The following PPP4R3B variants were observed in gnomAD, a reference collection of about 807,000 sequenced individuals.
PPP4R3B encodes protein phosphatase 4 regulatory subunit 3B, also known as serine/threonine-protein phosphatase 4 regulatory subunit 3B.
A neutral mutation model predicts 95.4 loss-of-function variants in PPP4R3B; 52 were observed. The observed-to-expected ratio is 0.54, with a 90% confidence interval of 0.44 to 0.69. The LOEUF (loss-of-function observed/expected upper bound fraction) is 0.69, where lower values mean the gene tolerates loss of function less well. Among genes scored for constraint, PPP4R3B ranks in the 30% least tolerant of loss-of-function variants. The probability of loss-of-function intolerance (pLI) is 0.00; values close to 1 mark genes in which losing one functional copy is unlikely to be tolerated. For missense variants in PPP4R3B, 1,003 were observed against 1,005.9 expected (o/e 1.00, Z 0.04); for synonymous variants, 407 against 343.9 (o/e 1.18, Z -2.03).
chr2:55,584,689 AT>A lies in PPP4R3B; in HGVS notation c.1233+361del, dbSNP rs551855062. ...AAACTTTCATTCCTACTTAAAACAT[AT>A]TTTTTGAACAAATAAAAGCAACTTT... On this transcript the variant is annotated intron_variant, in intron 7 of 16. Transcript: ENST00000616407. Among the ~76,000 whole-genome samples, 13 of 152,260 alleles carry A rather than the reference AT, an allele frequency of 8.5e-5. No individual in the cohort carries two copies. In the East Asian group the frequency reaches 2.3e-3, roughly 27 times the overall value.
chr2:55,612,117 T>C (rs969598343), intron 2 of PPP4R3B, among the ~76,000 whole-genome samples: 2 of 152,112 alleles, frequency 1.3e-5, no homozygotes, highest in Non-Finnish European at 2.9e-5. Context: ...AACCCGCTAA[T>C]GGAAACAAAA....
chr2:55,588,515 G>GAAAAAA (rs11376018), intron 5 of PPP4R3B, among the ~76,000 whole-genome samples: 1 of 94,786 alleles, frequency 1.1e-5, no homozygotes. Context: ...CTCCATCTCA[G>GAAAAAA]AAAAAAAAAA....
chr2:55,597,604 C>T (rs369440905), intron 4 of PPP4R3B, among the ~76,000 whole-genome samples: 5 of 147,614 alleles, frequency 3.4e-5, no homozygotes, highest in African/African-American at 7.6e-5. Flanking sequence ...CCTGGGCGAC[C>T]GAGCAAGACT....
chr2:55,615,514 A>C lies in PPP4R3B; in HGVS notation c.143-8T>G. 1 of 1,541,568 alleles carries C rather than the reference A, an allele frequency of 6.5e-7. No homozygotes were observed. Among genetic ancestry groups the C allele is most frequent in the Non-Finnish European group, 8.9e-7 (1 of 1,127,412 alleles). On this transcript the variant is annotated splice_region_variant and splice_polypyrimidine_tract_variant and intron_variant, in intron 1 of 16. Coordinates refer to ENST00000616407, the MANE Select transcript of PPP4R3B (RefSeq NM_001122964.3). ...ATTCCAAGAGTAGTGATCCTGAAAG[A>C]TAAAAAATAATACATCATAAGTCTC...
At chr2:55,563,766 G>C (rs1179200573) in intron 15 of PPP4R3B, among the ~76,000 whole-genome samples, 1 of 152,170 alleles carries the variant, frequency 6.6e-6, no homozygotes, top group Admixed American at 6.5e-5. Context: ...AAAATGGTTA[G>C]TTCTTTTGAA....
At position 55,598,701 on chromosome 2, in the gene PPP4R3B, T is replaced by C. The variant is rs746538861; in HGVS notation, c.636A>G (p.Val212=). 1 of 1,614,204 alleles carries C rather than the reference T, an allele frequency of 6.2e-7. No individual in the cohort carries two copies. The highest frequency in any genetic ancestry group is 8.5e-7 in the Non-Finnish European group (1 of 1,180,036). ...LFLNKATLFE[V]MFSDECIMDV... is the part of the protein sequence containing the mutation. ...CCATGATACACTCATCAGAAAACATTACCTCAAAAAGAGTTGCCTTATTTA... is the reference window on the plus strand; with the variant it reads ...CCATGATACACTCATCAGAAAACATCACCTCAAAAAGAGTTGCCTTATTTA... Residue 212 remains valine (V), a synonymous_variant, in exon 4 of 17, where the codon GTA becomes GTG. Coordinates refer to ENST00000616407, the MANE Select transcript of PPP4R3B (RefSeq NM_001122964.3).
At chr2:55,569,081 T>A (rs1380249988) in intron 12 of PPP4R3B, among the ~76,000 whole-genome samples, 2 of 152,102 alleles carry the variant, frequency 1.3e-5, no homozygotes, top group Non-Finnish European at 2.9e-5. Context: ...ATTCCAATAT[T>A]ATAATAATCC....
chr2:55,573,526 A>C, intron 12 of PPP4R3B, 93 bp downstream of exon 12: 1 of 1,154,818 alleles, frequency 8.7e-7, no homozygotes, highest in Non-Finnish European at 1.2e-6. Flanking sequence ...CATCTCATTC[A>C]TAGAATATAC....
intron 3 of PPP4R3B, among the ~76,000 whole-genome samples, chr2:55,599,891 C>T (rs1171681946): frequency 7.2e-5 from 11 of 152,202 alleles, no homozygotes; most frequent in African/African-American, 2.7e-4. Context: ...TCACAACTTA[C>T]CTTCACACAT....
At chr2:55,551,950 C>G (rs1685300237) in intron 16 of PPP4R3B, among the ~76,000 whole-genome samples, 1 of 152,122 alleles carries the variant, frequency 6.6e-6, no homozygotes, top group Non-Finnish European at 1.5e-5. Flanking sequence ...AGGCACCAAT[C>G]TGATAATCAA....
Position 55,558,921 on chromosome 2 carries a change from CAGG to C in PPP4R3B, c.2305_2307del (p.Pro769del), listed in dbSNP as rs1686212002. ...TGGGAGAAAGTAAATTTGAAGCCAC[CAGG>C]AGATGTCCTTTTGGGAAGGTTTTCC... On this transcript the variant is annotated inframe_deletion, in exon 16 of 17. Coordinates refer to ENST00000616407, the MANE Select transcript of PPP4R3B (RefSeq NM_001122964.3). 1.9e-6 allele frequency: 3 copies of C among 1,613,120 alleles called. No homozygotes were observed. Among genetic ancestry groups the C allele is most frequent in the African/African-American group, 1.3e-5 (1 of 74,888 alleles).
Position 55,617,334 on chromosome 2 carries a change from G to A in PPP4R3B, c.-49C>T, listed in dbSNP as rs1437208937. On this transcript the variant is annotated 5_prime_UTR_variant, in exon 1 of 17. In the 5' UTR this introduces an upstream ATG that the reference lacks. Transcript: ENST00000616407. ...TAGCCGCCGCCTCCTCGCTTACCTC[G>A]TCCGCGCTCCTCACTCTTAGGAGAC... is the stretch of plus-strand genomic sequence containing the variant. 1 of 1,527,114 alleles carries A rather than the reference G, an allele frequency of 6.5e-7. No individual in the cohort carries two copies. The highest frequency in any genetic ancestry group is 8.8e-7 in the Non-Finnish European group (1 of 1,132,380). 94.6% of individuals were successfully genotyped at this position (1,527,114 alleles called of 1,614,324 possible). A position where few individuals can be genotyped will look rare whatever the true frequency, so the allele number is the denominator to read the frequency against.
At chr2:55,566,544 T>C (rs995586463) in intron 13 of PPP4R3B, among the ~76,000 whole-genome samples, 1 of 152,236 alleles carries the variant, frequency 6.6e-6, no homozygotes, top group Non-Finnish European at 1.5e-5. Flanking sequence ...GTTAAAGACT[T>C]CTATCCTCTT....
At chr2:55,585,195 G>A (rs1408258728) in intron 6 of PPP4R3B, 28 bp from the exon 7 acceptor site, 1 of 1,499,476 alleles carries the variant, frequency 6.7e-7, no homozygotes, top group Non-Finnish European at 9.1e-7. Flanking sequence ...AGGTTACTTA[G>A]AGACTGTTAA....
Position 55,568,183 on chromosome 2 carries a change from T to C in PPP4R3B, c.1935+11A>G, listed in dbSNP as rs777570632. On this transcript the variant is annotated intron_variant, in intron 13 of 16. Transcript: ENST00000616407. ...ATTACATATAATAACAGCTGTTTTATATAAACTTACCACTCTTATAAATTC... is the reference window on the plus strand; with the variant it reads ...ATTACATATAATAACAGCTGTTTTACATAAACTTACCACTCTTATAAATTC... 9.3e-6 allele frequency: 14 copies of C among 1,505,362 alleles called. No homozygotes were observed. In the East Asian group the frequency reaches 1.7e-4, roughly 18 times the overall value. The allele number at this position is 1,505,362 out of a possible 1,614,324, so 93.3% of individuals were successfully genotyped here.
chr2:55,580,449 C>T (rs1197552809), intron 8 of PPP4R3B, among the ~76,000 whole-genome samples: 2 of 152,070 alleles, frequency 1.3e-5, no homozygotes, highest in African/African-American at 4.8e-5. Context: ...GTAAAAGGCA[C>T]ATTTGAATCT....
chr2:55,617,034 C>G (rs1056122017), intron 1 of PPP4R3B, 110 bp downstream of exon 1: 118 of 1,321,822 alleles, frequency 8.9e-5, no homozygotes, highest in Non-Finnish European at 1.1e-4. Flanking sequence ...AGTTCAGAAC[C>G]AACGCGCTGT....
At chr2:55,601,023 T>C (rs1692520191) in intron 3 of PPP4R3B, among the ~76,000 whole-genome samples, 1 of 151,670 alleles carries the variant, frequency 6.6e-6, no homozygotes, top group Non-Finnish European at 1.5e-5. Context: ...GGCGCACGCC[T>C]GTAGTCCCAG....
rs201919793 is a variant in PPP4R3B at position 55,581,728 on chromosome 2, T to C, written c.1234-30A>G. On this transcript the variant is annotated intron_variant, in intron 7 of 16. Coordinates refer to ENST00000616407, the MANE Select transcript of PPP4R3B (RefSeq NM_001122964.3). Reference sequence around the variant, plus strand: ...TGGCAAAACAAAACAAAACAAAACATGTTTCCATTAGACCTGGTTTAGATC... The same window carrying C: ...TGGCAAAACAAAACAAAACAAAACACGTTTCCATTAGACCTGGTTTAGATC... The C allele has an allele frequency of 3.1e-6, 5 of 1,603,432 alleles. No individual in the cohort carries two copies. In the African/African-American group the frequency reaches 5.4e-5, roughly 17 times the overall value.
Sources: gnomAD v4.1 joint callset for allele counts (sites outside exome capture counted in the v4.1 genomes callset) on GRCh38, gnomAD v4.1.1 for gene constraint, MANE v1.5 for transcripts, NCBI Gene and HGNC (gene_info 2026-07-23, HGNC 2026-07-21) for gene names.